Variants in TBX18 observed in about 807,000 individuals in gnomAD.
The protein encoded by TBX18 is T-box transcription factor 18.
A neutral mutation model predicts 55.0 loss-of-function variants in TBX18; 21 were observed. The observed-to-expected ratio is 0.38, with a 90% CI of 0.27 to 0.55. TBX18 has a LOEUF of 0.55. Ranked by LOEUF, TBX18 falls within the 20% of genes least tolerant of loss-of-function variation. TBX18 has a pLI of 0.73. For missense variants in TBX18, 840 were observed against 799.6 expected, an observed-to-expected ratio of 1.05 and a Z score of -0.61; for synonymous variants, 342 against 326.1, an observed-to-expected ratio of 1.05 and a Z score of -0.53.
chr6:84,749,163 A>G (rs573333602), intron 4 of TBX18, among the ~76,000 whole-genome samples: 9 of 152,278 alleles, frequency 5.9e-5, no homozygotes, highest in East Asian at 1.9e-4. Flanking sequence ...GCTTCATCCA[A>G]TGGGATTTTC....
At chr6:84,751,916 T>C (rs1435764362) in intron 4 of TBX18, among the ~76,000 whole-genome samples, 2 of 152,198 alleles carry the variant, frequency 1.3e-5, no homozygotes, top group African/African-American at 4.8e-5. Context: ...CAATAAAAGT[T>C]TGCTTATTTA....
chr6:84,764,276 C>G lies in TBX18; in HGVS notation c.-95G>C. The G allele has an allele frequency of 7.4e-7, 1 of 1,353,398 alleles. No individual in the cohort carries two copies. Among genetic ancestry groups the G allele is most frequent in the Non-Finnish European group, 9.5e-7 (1 of 1,056,390 alleles). The allele number at this position is 1,353,398 out of a possible 1,614,324, so 83.8% of individuals were successfully genotyped here. ...TTCCCCCACCAAAAACTAAAAGGCT[C>G]TCGGGGCCTCCCGAGATCTGCCCCC... On this transcript the variant is annotated 5_prime_UTR_variant, in exon 1 of 8. Transcript: ENST00000369663.
At position 84,736,827 on chromosome 6, in the gene TBX18, C is replaced by T. The variant is rs1160240401; in HGVS notation, c.1682G>A (p.Gly561Glu). Residue 561 changes from glycine to glutamate, a missense_variant, in exon 8 of 8, where the codon GGG becomes GAG. Coordinates refer to ENST00000369663, the MANE Select transcript of TBX18 (RefSeq NM_001080508.3). ...QGSFLGSSPSGTMTDRQMLPP... is the reference protein window; with the variant it reads ...QGSFLGSSPSETMTDRQMLPP... ...CAACATCTGCCGATCCGTCATGGTC[C>T]CACTCGGTGAGGACCCCAAGAAACT... 2 of 1,613,968 alleles carry T rather than the reference C, an allele frequency of 1.2e-6. No homozygotes were observed. The highest frequency in any genetic ancestry group is 2.2e-5 in the East Asian group (1 of 44,892).
Position 84,747,877 on chromosome 6 carries a change from T to C in TBX18, c.939+43A>G, listed in dbSNP as rs79135714. ...GGATAGCTAACTTTCTCTCTTCACC[T>C]GAAATGAAAAATCTACAAAGATTCC... On this transcript the variant is annotated intron_variant, in intron 5 of 7. Transcript: ENST00000369663. 201 of 1,572,338 alleles carry C rather than the reference T, an allele frequency of 1.3e-4. 2 individuals carry two copies. In the East Asian group the frequency reaches 4.4e-3, roughly 35 times the overall value.
At position 84,733,447 on chromosome 6, in the gene TBX18, C is replaced by T. The variant is rs531597612; in HGVS notation, c.*3238G>A. 7.2e-5 allele frequency: 11 copies of T among 152,266 alleles called. No homozygotes were observed. The South Asian group carries it at 8.3e-4, about 11-fold the overall frequency. The allele number at this position is 152,266 out of a possible 1,614,324, so 9.4% of individuals were successfully genotyped here. On this transcript the variant is annotated 3_prime_UTR_variant, in exon 8 of 8. Coordinates refer to ENST00000369663, the MANE Select transcript of TBX18 (RefSeq NM_001080508.3). ...CAATAAATTTCTCATGAGGAAATAACACTGTGTTACACTTTGCAACAAAGG... is the reference window on the plus strand; with the variant it reads ...CAATAAATTTCTCATGAGGAAATAATACTGTGTTACACTTTGCAACAAAGG...
intron 4 of TBX18, among the ~76,000 whole-genome samples, chr6:84,750,301 A>AAG (rs397885125): frequency 4.0e-5 from 6 of 151,330 alleles, no homozygotes. Context: ...AAAAAAAAAA[A>AAG]GGCATAATCT....
rs561777507 is a variant in TBX18, at chr6:84,759,409, G to A, written c.599+846C>T. On this transcript the variant is annotated intron_variant, in intron 3 of 7. Transcript: ENST00000369663. Reference sequence around the variant, plus strand: ...CCATGCAACAACAAAAAGCGAGAAAGAAACGAAGACAAGCAAAATTTAAAA... The same window carrying A: ...CCATGCAACAACAAAAAGCGAGAAAAAAACGAAGACAAGCAAAATTTAAAA... Among the ~76,000 whole-genome samples the A allele has an allele frequency of 2.4e-4, 37 of 152,194 alleles. No homozygotes were observed. The South Asian group carries it at 7.3e-3, about 30-fold the overall frequency.
intron 4 of TBX18, among the ~76,000 whole-genome samples, chr6:84,752,570 T>C (rs915285426): frequency 1.3e-5 from 2 of 152,216 alleles, no homozygotes; most frequent in Non-Finnish European, 2.9e-5. Context: ...GCTCATTTAG[T>C]TCACCCTAAG....
At chr6:84,745,540 G>A (rs1767159353) in intron 5 of TBX18, among the ~76,000 whole-genome samples, 1 of 152,048 alleles carries the variant, frequency 6.6e-6, no homozygotes, top group Non-Finnish European at 1.5e-5. Flanking sequence ...TGTTCCATAT[G>A]ATGTTATCTT....
In TBX18 at chr6:84,736,799, G is replaced by A; in HGVS notation, c.1710C>T (p.Pro570=). The change falls in exon 8 of 8, where the codon CCC becomes CCT. Residue 570 remains proline (P), a synonymous_variant. Coordinates refer to ENST00000369663, the MANE Select transcript of TBX18 (RefSeq NM_001080508.3). ...SGTMTDRQML[P]PVEGVHLLSS... is the part of the protein sequence containing the mutation. ...TAAGCAGGTGCACTCCTTCCACAGG[G>A]GGCAACATCTGCCGATCCGTCATGG... The A allele has an allele frequency of 6.2e-7, 1 of 1,614,056 alleles. No homozygotes were observed. Among genetic ancestry groups the A allele is most frequent in the Non-Finnish European group, 8.5e-7 (1 of 1,180,012 alleles).
rs780787496 is a variant in TBX18 at position 84,736,905 on chromosome 6, G to A, written c.1604C>T (p.Ser535Phe). ...SPCALYGYNF[S>F]TSPKLAASPE... is the part of the protein sequence containing the mutation. ...ACTGGCAGCCAGTTTGGGGGATGTG[G>A]AGAAGTTATATCCATATAGTGCACA... The change falls in exon 8 of 8, where the codon TCC becomes TTC. Residue 535 changes from serine (S) to phenylalanine (F), a missense_variant. Physicochemically the swap from Ser to Phe is radical, Grantham distance 155. Transcript: ENST00000369663. The A allele has an allele frequency of 6.2e-7, 1 of 1,613,170 alleles. No individual in the cohort carries two copies. Among genetic ancestry groups the A allele is most frequent in the Non-Finnish European group, 8.5e-7 (1 of 1,179,616 alleles).
rs1459853324 is a variant in TBX18, at chr6:84,737,327, AGAG to A, written c.1179_1181del (p.Ser394del). 6 of 1,593,102 alleles carry A rather than the reference AGAG, an allele frequency of 3.8e-6. No individual in the cohort carries two copies. Among genetic ancestry groups the A allele is most frequent in the Non-Finnish European group, 4.3e-6 (5 of 1,169,838 alleles). On this transcript the variant is annotated inframe_deletion, in exon 8 of 8. Coordinates refer to ENST00000369663, the MANE Select transcript of TBX18 (RefSeq NM_001080508.3). ...CCAGATGGAAGGCAGGAGAGGAGCA[AGAG>A]GAGCCAGACAAAAGGTGAGGGTGAG...
Position 84,734,066 on chromosome 6 carries a change from C to T in TBX18, c.*2619G>A, listed in dbSNP as rs1186451942. ...GGTCTTGATAGCAGCAACCTCACCC[C>T]ATCGCGATGTCCCTTGGAATGTTTA... On this transcript the variant is annotated 3_prime_UTR_variant, in exon 8 of 8. Transcript: ENST00000369663. 2 of 152,180 alleles carry T rather than the reference C, an allele frequency of 1.3e-5. No individual in the cohort carries two copies. Among genetic ancestry groups the T allele is most frequent in the Non-Finnish European group, 2.9e-5 (2 of 68,042 alleles). 9.4% of individuals were successfully genotyped at this position (152,180 alleles called of 1,614,324 possible). A position where few individuals can be genotyped will look rare whatever the true frequency, so the allele number is the denominator to read the frequency against.
intron 2 of TBX18, among the ~76,000 whole-genome samples, chr6:84,762,176 T>C: frequency 6.6e-6 from 1 of 150,668 alleles, no homozygotes; most frequent in Admixed American, 6.6e-5. Flanking sequence ...AAAAAAAGAA[T>C]GTTTCCTAGT....
intron 5 of TBX18, among the ~76,000 whole-genome samples, chr6:84,746,764 T>A (rs922017934): frequency 2.7e-5 from 4 of 150,114 alleles, no homozygotes; most frequent in Admixed American, 2.0e-4. Flanking sequence ...CAGAGAAGAT[T>A]AGCATGGTCC....
chr6:84,756,298 G>A (rs2127879404), intron 4 of TBX18, among the ~76,000 whole-genome samples: 2 of 152,340 alleles, frequency 1.3e-5, no homozygotes, highest in South Asian at 4.1e-4. Context: ...GACAATTACT[G>A]AGAAGCAATG....
rs1264257586 is a variant in TBX18 at position 84,764,227 on chromosome 6, G to T, written c.-46C>A. The stretch of plus-strand genomic sequence containing the variant: ...CCGCCCCTCTCTCATATACACTCAC[G>T]CGGGCACACGCGCGCTCTCGCTCTT... On this transcript the variant is annotated 5_prime_UTR_variant, in exon 1 of 8. Transcript: ENST00000369663. 5.4e-6 allele frequency: 7 copies of T among 1,301,490 alleles called. No individual in the cohort carries two copies. The highest frequency in any genetic ancestry group is 6.8e-6 in the Non-Finnish European group (7 of 1,025,486). The allele number at this position is 1,301,490 out of a possible 1,614,324, so 80.6% of individuals were successfully genotyped here.
At chr6:84,745,511 G>GC (rs1224830746) in intron 5 of TBX18, among the ~76,000 whole-genome samples, 1 of 152,024 alleles carries the variant, frequency 6.6e-6, no homozygotes, top group East Asian at 1.9e-4. Context: ...AGTCAGCCAC[G>GC]CAACACTTAA....
intron 5 of TBX18, among the ~76,000 whole-genome samples, chr6:84,747,185 G>GAAA (rs111678338): frequency 7.2e-6 from 1 of 139,370 alleles, no homozygotes; most frequent in Non-Finnish European, 1.6e-5. Context: ...CACTGAAATT[G>GAAA]AAAAAAAAAA....
Sources: allele counts gnomAD v4.1 joint callset (sites outside exome capture counted in the v4.1 genomes callset), GRCh38; gene constraint gnomAD v4.1.1; transcripts MANE v1.5; gene names NCBI Gene and HGNC (gene_info 2026-07-23, HGNC 2026-07-21).